DLEC1: variants seen among roughly 807,000 people sequenced by gnomAD.
DLEC1 encodes the protein DLEC1 cilia and flagella associated protein.
Under a neutral mutation model 198.1 loss-of-function variants are expected in DLEC1, and 146 were observed. The observed-to-expected ratio is 0.74, with a 90% confidence interval of 0.64 to 0.85. The LOEUF (loss-of-function observed/expected upper bound fraction) is 0.85, where lower values mean the gene tolerates loss of function less well. Among genes scored for constraint, DLEC1 ranks in the 40% least tolerant of loss-of-function variants. DLEC1 has a pLI of 0.00. For synonymous variants in DLEC1, 897 were observed against 866.8 expected, an observed-to-expected ratio of 1.03 and a Z score of -0.61; for missense variants, 2,233 against 2,220.0, an observed-to-expected ratio of 1.01 and a Z score of -0.12.
At chr3:38,115,795 T>C (rs2125739753) in intron 27 of DLEC1, among the ~76,000 whole-genome samples, 2 of 151,234 alleles carry the variant, frequency 1.3e-5, no homozygotes, top group Middle Eastern at 6.8e-3. Flanking sequence ...CAGATGGAGG[T>C]GTCAGAGGAG....
At position 38,112,362 on chromosome 3, in the gene DLEC1, G is replaced by C; in HGVS notation, c.3666+1G>C. ...GTACTGGGACAACCTCATCTGCACG[G>C]TAAGGGTACACAAGAGGGCAGTGGC... On this transcript the variant is annotated splice_donor_variant, in intron 25 of 36. Transcript: ENST00000308059. LOFTEE classifies it high-confidence loss of function. The surrounding 1 kb of genome is among the most constrained non-coding windows in gnomAD (Gnocchi z 4.8). The C allele has an allele frequency of 6.2e-7, 1 of 1,614,062 alleles. No homozygotes were observed. The highest frequency in any genetic ancestry group is 1.1e-5 in the South Asian group (1 of 91,078).
chr3:38,088,417 C>T (rs748603279), intron 10 of DLEC1, 29 bp downstream of exon 10: 3 of 1,586,512 alleles, frequency 1.9e-6, no homozygotes, highest in Non-Finnish European at 2.6e-6. Context: ...GCATGTATTT[C>T]CTCAACTGCT....
intron 6 of DLEC1, among the ~76,000 whole-genome samples, chr3:38,078,357 CGCTGCACGCAGACA>C (rs1697755392): frequency 6.6e-6 from 1 of 152,156 alleles, no homozygotes; most frequent in Non-Finnish European, 1.5e-5. Flanking sequence ...CAGCAGCAGC[CGCTGCACGCAGACA>C]TGAGGGCTAG....
At chr3:38,108,063 C>A (rs114469775) in intron 20 of DLEC1, among the ~76,000 whole-genome samples, 1 of 152,208 alleles carries the variant, frequency 6.6e-6, no homozygotes, top group Non-Finnish European at 1.5e-5. Context: ...TGCTCCTGCC[C>A]GTGGCTGACT....
At chr3:38,096,476 T>G in intron 14 of DLEC1, 93 bp from the exon 15 acceptor site, 1 of 1,467,682 alleles carries the variant, frequency 6.8e-7, no homozygotes, top group Non-Finnish European at 9.2e-7. Flanking sequence ...GTGTTTTTTT[T>G]TTCACAAGGC....
At chr3:38,089,178 T>C (rs1698617044) in intron 10 of DLEC1, among the ~76,000 whole-genome samples, 1 of 152,164 alleles carries the variant, frequency 6.6e-6, no homozygotes, top group African/African-American at 2.4e-5. Context: ...TATCACCAGG[T>C]AGTGAGATCC....
chr3:38,117,973 G>A lies in DLEC1; in HGVS notation c.4653G>A (p.Glu1551=), dbSNP rs1377665341. The change falls in exon 33 of 37, where the codon GAG becomes GAA. Residue 1551 remains glutamate, a synonymous_variant. Coordinates refer to ENST00000308059, the MANE Select transcript of DLEC1 (RefSeq NM_007335.4). ...GCCAGAAGCAGGAGTGTGAGGAGGAGACAGCCTCAGCGGACAAGCAGCTGG... is the reference window on the plus strand; with the variant it reads ...GCCAGAAGCAGGAGTGTGAGGAGGAAACAGCCTCAGCGGACAAGCAGCTGG... The part of the protein sequence containing the change: ...GPGQKQECEE[E]TASADKQLVL... The A allele has an allele frequency of 2.5e-6, 4 of 1,613,682 alleles. No individual in the cohort carries two copies. The highest frequency in any genetic ancestry group is 1.7e-4 in the Middle Eastern group (1 of 5,976).
At chr3:38,084,684 G>A (rs574184377) in intron 7 of DLEC1, among the ~76,000 whole-genome samples, 45 of 148,064 alleles carry the variant, frequency 3.0e-4, no homozygotes, top group African/African-American at 7.7e-4. Context: ...GCTGACTCCC[G>A]CCCTGAGTCT....
intron 6 of DLEC1, among the ~76,000 whole-genome samples, chr3:38,069,093 TA>T (rs1314264986): frequency 1.3e-5 from 2 of 152,070 alleles, no homozygotes; most frequent in African/African-American, 4.8e-5. Flanking sequence ...AATAATCAGC[TA>T]AAGGATGAAA....
intron 2 of DLEC1, among the ~76,000 whole-genome samples, chr3:38,048,233 C>T (rs976830729): frequency 6.6e-6 from 1 of 152,220 alleles, no homozygotes; most frequent in Non-Finnish European, 1.5e-5. Flanking sequence ...CTGGAATCAG[C>T]CATTTCTTCA....
intron 14 of DLEC1, 88 bp downstream of exon 14, chr3:38,096,034 G>T: frequency 6.6e-7 from 1 of 1,516,462 alleles, no homozygotes; most frequent in Non-Finnish European, 9.1e-7. Flanking sequence ...TCAGGTGAGG[G>T]GGAGTGGGCA....
rs145732427 is a variant in DLEC1 at position 38,123,077 on chromosome 3, G to A, written c.*665G>A. 404 of 1,614,156 alleles carry A rather than the reference G, an allele frequency of 2.5e-4. No homozygotes were observed. Among genetic ancestry groups the A allele is most frequent in the East Asian group, 2.3e-3 (103 of 44,888 alleles). The stretch of plus-strand genomic sequence containing the variant: ...TCCCAGGGTATTCAAAGACGGCAGC[G>A]GCTCCCATTCCAGTCCCGATGCACA... On this transcript the variant is annotated 3_prime_UTR_variant, in exon 37 of 37. Transcript: ENST00000308059.
intron 6 of DLEC1, among the ~76,000 whole-genome samples, chr3:38,075,795 C>G (rs1353749363): frequency 1.3e-5 from 2 of 151,720 alleles, no homozygotes; most frequent in Non-Finnish European, 2.9e-5. Flanking sequence ...GGACTTGCCA[C>G]TAAGGGTGAA....
intron 18 of DLEC1, among the ~76,000 whole-genome samples, chr3:38,098,811 C>T (rs1054260731): frequency 6.6e-5 from 10 of 152,174 alleles, no homozygotes; most frequent in African/African-American, 2.4e-4. Context: ...GCTCCTTTAC[C>T]TGATGGCCTA....
At chr3:38,097,389 T>C (rs1699083088) in intron 16 of DLEC1, 114 bp downstream of exon 16, 1 of 1,557,200 alleles carries the variant, frequency 6.4e-7, no homozygotes, top group Non-Finnish European at 8.7e-7. Context: ...CTGCTCTGGC[T>C]GAGGCCTGGG....
chr3:38,090,818 T>C (rs1698708927), intron 10 of DLEC1, among the ~76,000 whole-genome samples: 1 of 152,192 alleles, frequency 6.6e-6, no homozygotes, highest in African/African-American at 2.4e-5. Flanking sequence ...ACGTTGTATA[T>C]AAAAACATAT....
chr3:38,084,285 A>ATAGTAT, intron 7 of DLEC1, 40 bp downstream of exon 7: 1 of 1,550,298 alleles, frequency 6.5e-7, no homozygotes, highest in Middle Eastern at 1.7e-4. Context: ...AGTAGTGGTA[A>ATAGTAT]TAGTAGTGGT....
intron 6 of DLEC1, among the ~76,000 whole-genome samples, chr3:38,070,756 T>A (rs1697272364): frequency 6.6e-6 from 1 of 152,142 alleles, no homozygotes; most frequent in Admixed American, 6.5e-5. Context: ...CAAGGTAATG[T>A]CATCACTTAA....
At position 38,100,196 on chromosome 3, in the gene DLEC1, A is replaced by C; in HGVS notation, c.2725-90A>C. On this transcript the variant is annotated intron_variant, in intron 18 of 36. Coordinates refer to ENST00000308059, the MANE Select transcript of DLEC1 (RefSeq NM_007335.4). ...CTTGGAAGAGCTGGGGCAGCTTAGG[A>C]GTGACTTTGGTTAGGCATGGCCAGC... 3.4e-6 allele frequency: 5 copies of C among 1,461,928 alleles called. No homozygotes were observed. In the South Asian group the frequency reaches 7.3e-5, roughly 21 times the overall value. 90.6% of individuals were successfully genotyped at this position (1,461,928 alleles called of 1,614,324 possible).
Sources: allele counts gnomAD v4.1 joint callset (sites outside exome capture counted in the v4.1 genomes callset), GRCh38; gene constraint gnomAD v4.1.1; non-coding constraint Gnocchi (gnomAD v3.1); transcripts MANE v1.5; gene names NCBI Gene and HGNC (gene_info 2026-07-23, HGNC 2026-07-21).